The following PIGB variants were observed in gnomAD, a reference collection of about 807,000 sequenced individuals.
PIGB encodes phosphatidylinositol glycan anchor biosynthesis class B.
Under a neutral mutation model 68.4 loss-of-function variants are expected in PIGB, and 58 were observed. That is an observed-to-expected ratio of 0.85 (90% CI 0.69 to 1.06). The LOEUF (loss-of-function observed/expected upper bound fraction) is 1.06. PIGB is among the 50% of genes least tolerant of loss of function. PIGB has a pLI of 0.00. For synonymous variants in PIGB, 219 were observed against 220.5 expected, an observed-to-expected ratio of 0.99 and a Z score of 0.06; for missense variants, 634 against 655.8, an observed-to-expected ratio of 0.97 and a Z score of 0.36.
chr15:55,330,020 G>C (rs1046642153), intron 5 of PIGB, among the ~76,000 whole-genome samples, 166 bp downstream of exon 5: 17 of 152,064 alleles, frequency 1.1e-4, no homozygotes, highest in Non-Finnish European at 2.9e-5. Flanking sequence ...ACTCAAACAG[G>C]ATAATTAAGG....
chr15:55,350,441 G>T (rs2055896317), intron 9 of PIGB: 1 of 461,174 alleles, frequency 2.2e-6, no homozygotes, highest in Non-Finnish European at 3.8e-6. Context: ...GCTAGAACTG[G>T]AATTCAAATC....
chr15:55,344,914 GAGAC>G (rs1331895305), intron 9 of PIGB, among the ~76,000 whole-genome samples: 1 of 23,690 alleles, frequency 4.2e-5, no homozygotes, highest in Non-Finnish European at 1.0e-4. Context: ...TTTTTTTTTT[GAGAC>G]AGAGTCTCTC....
At chr15:55,340,129 A>G (rs887419847) in intron 7 of PIGB, 2 of 151,966 alleles carry the variant, frequency 1.3e-5, no homozygotes, top group African/African-American at 2.4e-5. Context: ...AGAAGAAAAA[A>G]TAACAGTTAA....
chr15:55,333,607 C>G (rs1383740941), intron 5 of PIGB, among the ~76,000 whole-genome samples: 1 of 152,166 alleles, frequency 6.6e-6, no homozygotes, highest in African/African-American at 2.4e-5. Context: ...TGGTACACAC[C>G]TGTAATCCCA....
intron 10 of PIGB, chr15:55,351,950 T>TC (rs1491135360): frequency 7.9e-6 from 1 of 126,492 alleles, no homozygotes; most frequent in Non-Finnish European, 1.5e-5. Context: ...AAACTAGACT[T>TC]CTTTTTTTTT....
chr15:55,326,505 T>G (rs1595772662), intron 3 of PIGB, among the ~76,000 whole-genome samples: 3 of 152,306 alleles, frequency 2.0e-5, no homozygotes, highest in East Asian at 3.9e-4. Flanking sequence ...TGATACATAG[T>G]ACACAGTGCT....
intron 9 of PIGB, chr15:55,350,144 G>A (rs939889800): frequency 6.6e-6 from 1 of 151,696 alleles, no homozygotes; most frequent in Non-Finnish European, 1.5e-5. Context: ...ACTGTTGTGG[G>A]AAAAAAAATG....
At chr15:55,351,262 C>G (rs891264579) in intron 10 of PIGB, among the ~76,000 whole-genome samples, 2 of 151,742 alleles carry the variant, frequency 1.3e-5, no homozygotes, top group African/African-American at 4.8e-5. Context: ...TGCCTGCCAC[C>G]ATGCCCGGCT....
intron 3 of PIGB, among the ~76,000 whole-genome samples, chr15:55,322,600 G>A (rs556949929): frequency 2.0e-5 from 3 of 152,244 alleles, no homozygotes; most frequent in East Asian, 1.9e-4. Flanking sequence ...AAATCCTGAC[G>A]TGTTTTGTGT....
intron 7 of PIGB, 64 bp from the exon 8 acceptor site, chr15:55,340,548 T>G: frequency 9.6e-7 from 1 of 1,042,578 alleles, no homozygotes; most frequent in Non-Finnish European, 1.4e-6. Context: ...ATCAATCCCC[T>G]AATGCCAAAG....
At chr15:55,348,769 G>C (rs1478780678) in intron 9 of PIGB, among the ~76,000 whole-genome samples, 1 of 152,120 alleles carries the variant, frequency 6.6e-6, no homozygotes, top group Non-Finnish European at 1.5e-5. Context: ...GCCAGTCTCA[G>C]GTATTCCAGT....
intron 9 of PIGB, chr15:55,343,126 A>G (rs969453846): frequency 6.6e-6 from 1 of 152,236 alleles, no homozygotes; most frequent in Non-Finnish European, 1.5e-5. Context: ...ATTTAAGAAG[A>G]TAAACATACA....
chr15:55,354,753 T>C, intron 10 of PIGB, 45 bp from the exon 11 acceptor site: 2 of 1,477,162 alleles, frequency 1.4e-6, no homozygotes, highest in Non-Finnish European at 1.8e-6. Context: ...AATGAAAACT[T>C]TCATGTTTTA....
intron 3 of PIGB, among the ~76,000 whole-genome samples, chr15:55,326,707 A>C (rs1304530584): frequency 6.6e-6 from 1 of 151,972 alleles, no homozygotes; most frequent in Non-Finnish European, 1.5e-5. Context: ...TCTACTAAAA[A>C]TACAAAAAAA....
intron 11 of PIGB, 70 bp downstream of exon 11, chr15:55,355,048 A>G: frequency 7.9e-7 from 1 of 1,267,302 alleles, no homozygotes; most frequent in South Asian, 1.4e-5. Flanking sequence ...ACCCTCAGGT[A>G]AATAGATAAT....
chr15:55,350,825 A>G lies in PIGB; in HGVS notation c.1250A>G (p.His417Arg), dbSNP rs1466671607. The G allele has an allele frequency of 2.5e-6, 4 of 1,610,310 alleles. No individual in the cohort carries two copies. In the East Asian group the frequency reaches 8.9e-5, roughly 36 times the overall value. The change falls in exon 10 of 12, where the codon CAT (histidine) becomes CGT (arginine). Residue 417 changes from histidine (H) to arginine (R), a missense_variant. Coordinates refer to ENST00000164305, the MANE Select transcript of PIGB (RefSeq NM_004855.5). The stretch of plus-strand genomic sequence containing the variant: ...CGAGGTACTCTTGATGTCATGAGTC[A>G]TATTCAAAAAGTTTGTTACAACAAT... ...HQRGTLDVMS[H>R]IQKVCYNNPN...
In PIGB at chr15:55,350,877, T is replaced by C. The variant is rs1253752581; in HGVS notation, c.1302T>C (p.Phe434=). 6 of 1,602,732 alleles carry C rather than the reference T, an allele frequency of 3.7e-6. No individual in the cohort carries two copies. The South Asian group carries it at 5.5e-5, about 15-fold the overall frequency. The change falls in exon 10 of 12, where the codon TTT becomes TTC. Residue 434 remains phenylalanine (F), a synonymous_variant. Transcript: ENST00000164305. The stretch of plus-strand genomic sequence containing the variant: ...CCAATAAATCTTCAGCTTCAATATT[T>C]ATAATGATGCCTTGCCACTCTACTC... ...NNPNKSSASI[F]IMMPCHSTPY...
At chr15:55,341,063 TAAA>T (rs11353654) in intron 8 of PIGB, among the ~76,000 whole-genome samples, 3 of 144,868 alleles carry the variant, frequency 2.1e-5, no homozygotes, top group Non-Finnish European at 3.1e-5. Flanking sequence ...TTATTTGCTT[TAAA>T]AAAAAAAAAA....
At chr15:55,326,850 A>G (rs1243661286) in intron 3 of PIGB, among the ~76,000 whole-genome samples, 1 of 152,082 alleles carries the variant, frequency 6.6e-6, no homozygotes, top group Non-Finnish European at 1.5e-5. Flanking sequence ...ATAAATAAAT[A>G]AAACAGAAAC....
Sources: gnomAD v4.1 joint callset for allele counts (sites outside exome capture counted in the v4.1 genomes callset) on GRCh38, gnomAD v4.1.1 for gene constraint, MANE v1.5 for transcripts, NCBI Gene and HGNC (gene_info 2026-07-23, HGNC 2026-07-21) for gene names.